Variants in PELI2 observed in about 807,000 individuals in gnomAD.
PELI2 encodes E3 ubiquitin-protein ligase pellino homolog 2.
PELI2 carries 23 observed loss-of-function variants against 42.3 expected under a neutral mutation model. The ratio of observed to expected loss-of-function variants is 0.54; its 90% confidence interval spans 0.39 to 0.77. The LOEUF (loss-of-function observed/expected upper bound fraction) is 0.77, where lower values mean the gene tolerates loss of function less well. PELI2 is among the 30% of genes least tolerant of loss of function. The probability of loss-of-function intolerance (pLI) is 0.00; values close to 1 mark genes in which losing one functional copy is unlikely to be tolerated. For missense variants in PELI2, 463 were observed against 553.2 expected (o/e 0.84, Z 1.64); for synonymous variants, 245 against 212.2 (o/e 1.15, Z -1.34).
intron 1 of PELI2, among the ~76,000 whole-genome samples, chr14:56,159,846 G>C (rs1338639658): frequency 2.6e-5 from 4 of 152,090 alleles, no homozygotes; most frequent in Admixed American, 1.3e-4. Flanking sequence ...GTGCTCTGCT[G>C]TTGACCCTCC....
chr14:56,254,239 A>C (rs897357919), intron 2 of PELI2, among the ~76,000 whole-genome samples: 1 of 152,130 alleles, frequency 6.6e-6, no homozygotes, highest in South Asian at 2.1e-4. Context: ...TCTCTACCAA[A>C]TATACAAAAA....
intron 1 of PELI2, among the ~76,000 whole-genome samples, chr14:56,172,138 A>T (rs193211506): frequency 3.9e-5 from 6 of 152,312 alleles, no homozygotes. Flanking sequence ...GGCTTAAAAC[A>T]TGTTACTTAA....
chr14:56,230,862 C>T (rs531828582), intron 2 of PELI2, among the ~76,000 whole-genome samples: 9 of 152,110 alleles, frequency 5.9e-5, no homozygotes, highest in Non-Finnish European at 1.3e-4. Context: ...ACCCATCTCA[C>T]GTGCAGAGAC....
At chr14:56,232,862 A>G (rs1466470754) in intron 2 of PELI2, among the ~76,000 whole-genome samples, 2 of 151,952 alleles carry the variant, frequency 1.3e-5, no homozygotes, top group Non-Finnish European at 2.9e-5. Context: ...AGAAAACCCT[A>G]TCATCTCAGC....
At chr14:56,176,965 C>T (rs930702742) in intron 1 of PELI2, among the ~76,000 whole-genome samples, 3 of 152,130 alleles carry the variant, frequency 2.0e-5, no homozygotes, top group African/African-American at 7.2e-5. Flanking sequence ...TGGTTGTTGA[C>T]TCATGGATAC....
chr14:56,173,843 G>C (rs1885268798), intron 1 of PELI2, among the ~76,000 whole-genome samples: 1 of 152,138 alleles, frequency 6.6e-6, no homozygotes, highest in Non-Finnish European at 1.5e-5. Context: ...TTGAGATCCT[G>C]GGCTTAATTA....
At chr14:56,243,710 G>A (rs145844786) in intron 2 of PELI2, among the ~76,000 whole-genome samples, 11 of 152,220 alleles carry the variant, frequency 7.2e-5, no homozygotes, top group African/African-American at 2.4e-4. Flanking sequence ...CTCAGAAGTG[G>A]TTCTTTGAAG....
chr14:56,262,141 A>G (rs900870609), intron 2 of PELI2, among the ~76,000 whole-genome samples: 2 of 152,218 alleles, frequency 1.3e-5, no homozygotes, highest in Non-Finnish European at 1.5e-5. Flanking sequence ...TTAAACTGCA[A>G]TTTACAGGCA....
At chr14:56,145,008 T>A (rs554656756) in intron 1 of PELI2, 3 of 973,730 alleles carry the variant, frequency 3.1e-6, no homozygotes, top group South Asian at 4.8e-5. Context: ...AAGGTGGGTG[T>A]TAGGTTAAGT....
intron 2 of PELI2, among the ~76,000 whole-genome samples, chr14:56,271,515 T>C (rs1003310106): frequency 2.0e-5 from 3 of 152,212 alleles, no homozygotes; most frequent in Admixed American, 6.5e-5. Flanking sequence ...AGTTGTTTAT[T>C]TAGATTTTAT....
chr14:56,151,185 G>T (rs1239211124), intron 1 of PELI2, among the ~76,000 whole-genome samples: 1 of 152,206 alleles, frequency 6.6e-6, no homozygotes, highest in Non-Finnish European at 1.5e-5. Context: ...GTGACTTGGA[G>T]CAGTTGCAGG....
intron 2 of PELI2, among the ~76,000 whole-genome samples, chr14:56,213,227 AG>A (rs2139732290): frequency 6.6e-6 from 1 of 152,368 alleles, no homozygotes; most frequent in Admixed American, 6.5e-5. Flanking sequence ...GGAAACTGTC[AG>A]GGTAATGATA....
At chr14:56,179,287 C>T (rs1002420929) in intron 2 of PELI2, among the ~76,000 whole-genome samples, 4 of 152,100 alleles carry the variant, frequency 2.6e-5, no homozygotes, top group African/African-American at 9.7e-5. Flanking sequence ...GAGTTTGGAC[C>T]ACCTGGCATA....
At chr14:56,163,657 CT>C (rs950834705) in intron 1 of PELI2, among the ~76,000 whole-genome samples, 3 of 151,824 alleles carry the variant, frequency 2.0e-5, no homozygotes, top group Admixed American at 2.0e-4. Flanking sequence ...CTGTAGATTG[CT>C]TTGGGTAGTA....
chr14:56,213,152 C>T (rs746005351), intron 2 of PELI2, among the ~76,000 whole-genome samples: 3 of 152,172 alleles, frequency 2.0e-5, no homozygotes, highest in South Asian at 2.1e-4. Context: ...TGGAGTATCA[C>T]GTTCTGAAGA....
intron 2 of PELI2, among the ~76,000 whole-genome samples, chr14:56,254,182 C>T (rs911440655): frequency 3.3e-5 from 5 of 152,102 alleles, no homozygotes; most frequent in African/African-American, 4.8e-5. Flanking sequence ...AGGCAGATCA[C>T]GAGGTCAAGA....
intron 2 of PELI2, among the ~76,000 whole-genome samples, chr14:56,204,972 G>A (rs1886460737): frequency 6.6e-6 from 1 of 150,378 alleles, no homozygotes; most frequent in Admixed American, 6.7e-5. Flanking sequence ...GGAGGGTGCA[G>A]TGAGCCGAGA....
chr14:56,201,639 A>G (rs1369248776), intron 2 of PELI2, among the ~76,000 whole-genome samples: 3 of 152,182 alleles, frequency 2.0e-5, no homozygotes, highest in Admixed American at 6.5e-5. Flanking sequence ...ATAGGCTCTC[A>G]TTTGGTTAAT....
intron 2 of PELI2, among the ~76,000 whole-genome samples, chr14:56,216,449 T>C (rs890265372): frequency 6.6e-6 from 1 of 152,272 alleles, no homozygotes; most frequent in Admixed American, 6.5e-5. Flanking sequence ...TGAGCAGCAC[T>C]GTTATTTTGT....
Sources: gnomAD v4.1 joint callset for allele counts (sites outside exome capture counted in the v4.1 genomes callset) on GRCh38, gnomAD v4.1.1 for gene constraint, MANE v1.5 for transcripts, NCBI Gene and HGNC (gene_info 2026-07-23, HGNC 2026-07-21) for gene names.